Variants in MARK3 observed in about 807,000 individuals in gnomAD.
MARK3 encodes microtubule affinity regulating kinase 3.
MARK3 carries 46 observed loss-of-function variants against 90.1 expected under a neutral mutation model. That is an observed-to-expected ratio of 0.51 (90% CI 0.40 to 0.65). The LOEUF (loss-of-function observed/expected upper bound fraction) is 0.65. Among genes scored for constraint, MARK3 ranks in the 30% least tolerant of loss-of-function variants. The pLI is 0.00. For missense variants in MARK3, 818 were observed against 947.2 expected (o/e 0.86, Z 1.79); for synonymous variants, 321 against 332.6 (o/e 0.97, Z 0.38).
intron 17 of MARK3, among the ~76,000 whole-genome samples, chr14:103,502,395 A>G (rs2142185546): frequency 6.6e-6 from 1 of 152,362 alleles, no homozygotes; most frequent in East Asian, 1.9e-4. Context: ...ACAGCAAAGC[A>G]ATTTTAGACT....
intron 1 of MARK3, among the ~76,000 whole-genome samples, chr14:103,398,413 G>T (rs1332679898): frequency 6.6e-6 from 1 of 152,140 alleles, no homozygotes; most frequent in Non-Finnish European, 1.5e-5. Context: ...ATTTCTCTCT[G>T]ATTTTTAGAA....
intron 12 of MARK3, among the ~76,000 whole-genome samples, chr14:103,474,195 A>G (rs2093677946): frequency 1.3e-5 from 2 of 152,124 alleles, no homozygotes; most frequent in Admixed American, 1.3e-4. Context: ...AGAGAGCTAG[A>G]CTCCGTCTCG....
At chr14:103,407,852 C>T (rs1423463215) in intron 2 of MARK3, among the ~76,000 whole-genome samples, 1 of 152,080 alleles carries the variant, frequency 6.6e-6, no homozygotes, top group Non-Finnish European at 1.5e-5. Context: ...AGCCAGCGTG[C>T]CCAACCTTTG....
At chr14:103,419,991 A>G (rs2140944323) in intron 2 of MARK3, among the ~76,000 whole-genome samples, 1 of 79,810 alleles carries the variant, frequency 1.3e-5, no homozygotes, top group East Asian at 4.3e-4. Flanking sequence ...CTGTCTCTTA[A>G]GAAAAAGAAA....
chr14:103,396,416 G>A (rs2090583842), intron 1 of MARK3, among the ~76,000 whole-genome samples: 1 of 151,634 alleles, frequency 6.6e-6, no homozygotes. Flanking sequence ...TTTGTCTTGT[G>A]GCTTTTTTCC....
chr14:103,495,121 C>G (rs1408945518), intron 15 of MARK3, among the ~76,000 whole-genome samples: 2 of 152,032 alleles, frequency 1.3e-5, no homozygotes, highest in African/African-American at 4.8e-5. Flanking sequence ...CATAGTCCAC[C>G]CCATTTTGTA....
rs200159748 is a variant in MARK3, at chr14:103,500,195, C to T, written c.1911C>T (p.Gly637=). The change falls in exon 17 of 18, where the codon GGC becomes GGT. Residue 637 remains glycine, a synonymous_variant. Coordinates refer to ENST00000429436, the MANE Select transcript of MARK3 (RefSeq NM_001128918.3). ...TEYERNGRYE[G]SSRNVSAEQK... ...ATGAGAGGAACGGGAGATATGAGGG[C>T]TCAAGGTGAGGGAAATGATTTTTAC... is the stretch of plus-strand genomic sequence containing the variant. 1.4e-4 allele frequency: 232 copies of T among 1,603,762 alleles called. No homozygotes were observed. In the East Asian group the frequency reaches 5.0e-3, roughly 35 times the overall value.
chr14:103,450,918 A>ATTTTT (rs1566866017), intron 4 of MARK3, among the ~76,000 whole-genome samples: 2 of 29,720 alleles, frequency 6.7e-5, no homozygotes, highest in Non-Finnish European at 1.4e-4. Context: ...GTGTGTGTGT[A>ATTTTT]TTCTTTTTTT....
chr14:103,502,968 G>A lies in MARK3; in HGVS notation c.2003G>A (p.Ser668Asn). 1 of 1,614,262 alleles carries A rather than the reference G, an allele frequency of 6.2e-7. No homozygotes were observed. ...TTCACCTGGAGCATGAAAACCACTA[G>A]TTCAATGGATCCCGGGGACATGATG... ...LRFTWSMKTT[S>N]SMDPGDMMRE... is the part of the protein sequence containing the mutation. Residue 668 changes from serine (S) to asparagine (N), a missense_variant, in exon 18 of 18, where the codon AGT (serine) becomes AAT (asparagine). Physicochemically the swap from Ser to Asn is conservative, Grantham distance 46. This residue lies in a region of MARK3 where 560 missense variants were observed against 613.5 expected (regional missense o/e 0.91). Transcript: ENST00000429436.
At chr14:103,405,842 C>G (rs1299842146) in intron 2 of MARK3, among the ~76,000 whole-genome samples, 2 of 151,250 alleles carry the variant, frequency 1.3e-5, no homozygotes, top group African/African-American at 4.9e-5. Flanking sequence ...CGTGATCCAC[C>G]TGCCTTGGCC....
rs117691662 is a variant in MARK3 at position 103,408,039 on chromosome 14, T to C, written c.243+2772T>C. Among the ~76,000 whole-genome samples the C allele has an allele frequency of 6.4e-4, 98 of 152,320 alleles. No homozygotes were observed. In the East Asian group the frequency reaches 0.016, roughly 25 times the overall value. ...CTTATATGGCACAATTTACATTGTA[T>C]TGGAATTGCTCGTTTGTCTGTCTCC... On this transcript the variant is annotated intron_variant, in intron 2 of 17. Coordinates refer to ENST00000429436, the MANE Select transcript of MARK3 (RefSeq NM_001128918.3).
chr14:103,482,614 G>C (rs2093846863), intron 14 of MARK3, among the ~76,000 whole-genome samples: 1 of 152,076 alleles, frequency 6.6e-6, no homozygotes, highest in Non-Finnish European at 1.5e-5. Context: ...GTGACTGTCT[G>C]AGGTGCAGAG....
chr14:103,471,119 C>G (rs969635119), intron 12 of MARK3, among the ~76,000 whole-genome samples: 29 of 152,126 alleles, frequency 1.9e-4, no homozygotes, highest in African/African-American at 5.8e-4. Context: ...AGGGGGGTTT[C>G]TAGTGCTTAT....
chr14:103,412,323 C>T (rs568533174), intron 2 of MARK3: 3 of 629,306 alleles, frequency 4.8e-6, no homozygotes, highest in African/African-American at 3.7e-5. Flanking sequence ...GACTTCGCCT[C>T]ATCCACTTTG....
intron 17 of MARK3, among the ~76,000 whole-genome samples, chr14:103,501,836 G>A (rs947221297): frequency 1.3e-5 from 2 of 152,144 alleles, no homozygotes; most frequent in Non-Finnish European, 2.9e-5. Context: ...TTTATACATA[G>A]GAAGCTTCTC....
At chr14:103,432,433 C>T (rs1057443434) in intron 3 of MARK3, among the ~76,000 whole-genome samples, 16 of 152,058 alleles carry the variant, frequency 1.1e-4, no homozygotes, top group African/African-American at 3.9e-4. Context: ...AATCTTCCTC[C>T]CTCCCTTCCT....
chr14:103,481,512 C>T (rs1393566115), intron 14 of MARK3, among the ~76,000 whole-genome samples: 3 of 152,146 alleles, frequency 2.0e-5, no homozygotes, highest in African/African-American at 7.2e-5. Context: ...AACTGCTTAT[C>T]ACTTCCCTGT....
intron 1 of MARK3, among the ~76,000 whole-genome samples, chr14:103,399,364 A>C (rs991848748): frequency 2.0e-5 from 3 of 152,138 alleles, no homozygotes; most frequent in Admixed American, 2.0e-4. Flanking sequence ...GCTGAACGTC[A>C]CAAAGACCTA....
intron 4 of MARK3, among the ~76,000 whole-genome samples, chr14:103,449,776 T>A (rs1010085200): frequency 6.6e-6 from 1 of 152,238 alleles, no homozygotes; most frequent in African/African-American, 2.4e-5. Context: ...TTTAAAAAAT[T>A]ACATAACTGC....
Sources: gnomAD v4.1 joint callset for allele counts (sites outside exome capture counted in the v4.1 genomes callset) on GRCh38, gnomAD v4.1.1 for gene constraint, gnomAD v4.1.1 regional missense constraint, MANE v1.5 for transcripts, NCBI Gene and HGNC (gene_info 2026-07-23, HGNC 2026-07-21) for gene names.